NUP188: variants seen among roughly 807,000 people sequenced by gnomAD.
NUP188 encodes the protein nucleoporin NUP188.
NUP188 carries 97 observed loss-of-function variants against 223.0 expected under a neutral mutation model. The ratio of observed to expected loss-of-function variants is 0.43; its 90% CI spans 0.37 to 0.51. NUP188 has a LOEUF of 0.51. Ranked by LOEUF, NUP188 falls within the 20% of genes least tolerant of loss-of-function variation. The probability of loss-of-function intolerance (pLI) is 0.00; values close to 1 mark genes in which losing one functional copy is unlikely to be tolerated. For synonymous variants in NUP188, 869 were observed against 828.0 expected, an observed-to-expected ratio of 1.05 and a Z score of -0.85; for missense variants, 1,947 against 2,175.6, an observed-to-expected ratio of 0.89 and a Z score of 2.09.
At chr9:128,954,874 A>T (rs1247898015) in intron 3 of NUP188, among the ~76,000 whole-genome samples, 33 of 146,678 alleles carry the variant, frequency 2.2e-4, no homozygotes, top group Non-Finnish European at 3.0e-4. Flanking sequence ...TTTTTTTGAG[A>T]TGGAGTTTCG....
rs1564567929 is a variant in NUP188, at chr9:129,001,868, C to G, written c.4045-16C>G. The G allele has an allele frequency of 6.2e-7, 1 of 1,612,682 alleles. No individual in the cohort carries two copies. The highest frequency in any genetic ancestry group is 2.2e-5 in the East Asian group (1 of 44,872). On this transcript the variant is annotated splice_polypyrimidine_tract_variant and intron_variant, in intron 35 of 43. Transcript: ENST00000372577. Reference sequence around the variant, plus strand: ...GGGCAGGCTCCATCTCATTTCCTGTCTTTCCCTCCTCCCAGGGAGCCACAG... The same window carrying G: ...GGGCAGGCTCCATCTCATTTCCTGTGTTTCCCTCCTCCCAGGGAGCCACAG...
chr9:128,952,959 A>G lies in NUP188; in HGVS notation c.161+113A>G, dbSNP rs569548098. 12 of 842,204 alleles carry G rather than the reference A, an allele frequency of 1.4e-5. No individual in the cohort carries two copies. The African/African-American group carries it at 2.0e-4, about 14-fold the overall frequency. The allele number at this position is 842,204 out of a possible 1,614,324, so 52.2% of individuals were successfully genotyped here. A position where few individuals can be genotyped will look rare whatever the true frequency, so the allele number is the denominator to read the frequency against. ...TTGTAGGGTTATGTATACCAGAGATAATACAATTTAGTTTACCAGTGGAAA... is the reference window on the plus strand; with the variant it reads ...TTGTAGGGTTATGTATACCAGAGATGATACAATTTAGTTTACCAGTGGAAA... On this transcript the variant is annotated intron_variant, in intron 3 of 43. Coordinates refer to ENST00000372577, the MANE Select transcript of NUP188 (RefSeq NM_015354.3).
rs774220979 is a variant in NUP188 at position 129,006,574 on chromosome 9, C to A, written c.5146C>A (p.Pro1716Thr). ...CAGCTCCCCTGCCACTGGTGTCCTCCCCTCGCCGCAGGGCAAGTCCACCTC... is the reference window on the plus strand; with the variant it reads ...CAGCTCCCCTGCCACTGGTGTCCTCACCTCGCCGCAGGGCAAGTCCACCTC... The part of the protein sequence containing the change: ...APSSPATGVL[P>T]SPQGKSTSLS... Residue 1716 changes from proline (P) to threonine (T), a missense_variant, in exon 44 of 44, where the codon CCC becomes ACC. Coordinates refer to ENST00000372577, the MANE Select transcript of NUP188 (RefSeq NM_015354.3). 1.9e-6 allele frequency: 3 copies of A among 1,614,102 alleles called. No homozygotes were observed. The highest frequency in any genetic ancestry group is 2.5e-6 in the Non-Finnish European group (3 of 1,180,034).
At chr9:128,951,294 G>A (rs934848251) in intron 2 of NUP188, among the ~76,000 whole-genome samples, 12 of 140,018 alleles carry the variant, frequency 8.6e-5, no homozygotes, top group Admixed American at 2.2e-4. Context: ...GTGACAAAGC[G>A]AGACTCCATC....
Position 128,986,837 on chromosome 9 carries a change from G to T in NUP188, c.2226G>T (p.Ala742=). The change falls in exon 22 of 44, where the codon GCG becomes GCT. Residue 742 remains alanine (A), a synonymous_variant. Coordinates refer to ENST00000372577, the MANE Select transcript of NUP188 (RefSeq NM_015354.3). The stretch of plus-strand genomic sequence containing the variant: ...GCCTGATCTTGGAGCTGATTCATGC[G>T]ATACTGAACCTGTGCCACGAGACAG... ...IGCLILELIH[A]ILNLCHETDL... is the part of the protein sequence containing the mutation. 1 of 1,614,110 alleles carries T rather than the reference G, an allele frequency of 6.2e-7. No individual in the cohort carries two copies. The highest frequency in any genetic ancestry group is 8.5e-7 in the Non-Finnish European group (1 of 1,180,020).
At chr9:128,994,658 C>T (rs1842488016) in intron 28 of NUP188, among the ~76,000 whole-genome samples, 198 bp from the exon 29 acceptor site, 1 of 152,206 alleles carries the variant, frequency 6.6e-6, no homozygotes, top group Admixed American at 6.5e-5. Context: ...GTGTTGGTGG[C>T]TCTGTGGTCT....
intron 8 of NUP188, among the ~76,000 whole-genome samples, chr9:128,963,816 T>C (rs1226548980): frequency 7.5e-6 from 1 of 133,464 alleles, no homozygotes; most frequent in African/African-American, 3.4e-5. Context: ...TATTGTGGGT[T>C]TTTTTTTTTT....
At chr9:128,952,997 A>AT (rs2131137383) in intron 3 of NUP188, 151 bp downstream of exon 3, 1 of 613,922 alleles carries the variant, frequency 1.6e-6, no homozygotes, top group African/African-American at 1.9e-5. Flanking sequence ...AGTAGGGTAC[A>AT]TTTGTTTTTT....
At chr9:128,971,226 A>C (rs1357147241) in intron 11 of NUP188, among the ~76,000 whole-genome samples, 1 of 152,204 alleles carries the variant, frequency 6.6e-6, no homozygotes, top group Non-Finnish European at 1.5e-5. Context: ...CAAAGCAACA[A>C]AAATGCCAGT....
rs1167421196 is a variant in NUP188 at position 128,987,700 on chromosome 9, G to A, written c.2376G>A (p.Met792Ile). The A allele has an allele frequency of 3.7e-6, 6 of 1,613,818 alleles. No individual in the cohort carries two copies. The highest frequency in any genetic ancestry group is 5.1e-6 in the Non-Finnish European group (6 of 1,179,950). Reference sequence around the variant, plus strand: ...GCGTGGACACCATTGACATGGTGATGGCTGCTCAGCCTCGAAGGTAGGGCT... The same window carrying A: ...GCGTGGACACCATTGACATGGTGATAGCTGCTCAGCCTCGAAGGTAGGGCT... ...GIGVDTIDMVMAAQPRSDGAE... is the reference protein window; with the variant it reads ...GIGVDTIDMVIAAQPRSDGAE... Residue 792 changes from methionine (M) to isoleucine (I), a missense_variant, in exon 23 of 44, where the codon ATG becomes ATA. Coordinates refer to ENST00000372577, the MANE Select transcript of NUP188 (RefSeq NM_015354.3).
rs553036325 is a variant in NUP188 at position 128,982,418 on chromosome 9, ACT to A, written c.1517-128_1517-127del. The A allele has an allele frequency of 2.7e-3, 2,162 of 794,292 alleles. 6 individuals carry two copies. The highest frequency in any genetic ancestry group is 3.8e-3 in the Non-Finnish European group (1,931 of 505,972). The allele number at this position is 794,292 out of a possible 1,614,324, so 49.2% of individuals were successfully genotyped here. On this transcript the variant is annotated intron_variant, in intron 15 of 43. Coordinates refer to ENST00000372577, the MANE Select transcript of NUP188 (RefSeq NM_015354.3). ...GCACTCCAGCCTGGGCAAGAGGGAG[ACT>A]CTGTCTCAAAAAAAAAAAATGTCTG...
At position 129,005,681 on chromosome 9, in the gene NUP188, C is replaced by T. The variant is rs1281053079; in HGVS notation, c.4774C>T (p.Leu1592=). The change falls in exon 41 of 44, where the codon CTG becomes TTG. Residue 1592 remains leucine, a synonymous_variant. Transcript: ENST00000372577. Reference sequence around the variant, plus strand: ...TGCTGAATACAACTTCCTGTTTGCCCTGAGCTTTACCACTCCCACCTTTGA... The same window carrying T: ...TGCTGAATACAACTTCCTGTTTGCCTTGAGCTTTACCACTCCCACCTTTGA... ...DLAEYNFLFA[L]SFTTPTFDSE... is the part of the protein sequence containing the mutation. The T allele has an allele frequency of 6.2e-7, 1 of 1,614,100 alleles. No homozygotes were observed. The highest frequency in any genetic ancestry group is 8.5e-7 in the Non-Finnish European group (1 of 1,179,992).
intron 3 of NUP188, among the ~76,000 whole-genome samples, chr9:128,954,840 G>A (rs1409543418): frequency 2.0e-5 from 3 of 151,222 alleles, no homozygotes; most frequent in African/African-American, 7.3e-5. Flanking sequence ...AAAATACACA[G>A]AGGTGAGGTG....
At chr9:128,981,465 T>C in intron 15 of NUP188, 75 bp downstream of exon 15, 1 of 1,455,788 alleles carries the variant, frequency 6.9e-7, no homozygotes, top group Non-Finnish European at 9.3e-7. Context: ...CAAGCTGGAG[T>C]GCAGTGGCAA....
At position 128,986,541 on chromosome 9, in the gene NUP188, T is replaced by C. The variant is rs1473350255; in HGVS notation, c.2077-17T>C. Reference sequence around the variant, plus strand: ...TCCTTAAATGTGCGGAAGTCCTCACTGCATGGTTTCTTGTAGGGGCAACTT... The same window carrying C: ...TCCTTAAATGTGCGGAAGTCCTCACCGCATGGTTTCTTGTAGGGGCAACTT... On this transcript the variant is annotated splice_polypyrimidine_tract_variant and intron_variant, in intron 20 of 43. Coordinates refer to ENST00000372577, the MANE Select transcript of NUP188 (RefSeq NM_015354.3). The C allele has an allele frequency of 1.2e-6, 2 of 1,611,290 alleles. No homozygotes were observed. Among genetic ancestry groups the C allele is most frequent in the Non-Finnish European group, 1.7e-6 (2 of 1,178,706 alleles).
chr9:128,972,007 A>C (rs1366398201), intron 11 of NUP188, among the ~76,000 whole-genome samples: 1 of 150,192 alleles, frequency 6.7e-6, no homozygotes, highest in Non-Finnish European at 1.5e-5. Flanking sequence ...ACTGATCTCA[A>C]GTGATCTGCC....
chr9:128,998,672 A>G (rs1842575569), intron 32 of NUP188, 49 bp downstream of exon 32: 2 of 1,452,558 alleles, frequency 1.4e-6, no homozygotes, highest in Non-Finnish European at 9.7e-7. Flanking sequence ...CCTTCTTGTC[A>G]GTGCCTGCTT....
intron 3 of NUP188, among the ~76,000 whole-genome samples, chr9:128,955,782 G>C (rs983331428): frequency 2.0e-5 from 3 of 151,372 alleles, no homozygotes; most frequent in African/African-American, 4.9e-5. Context: ...ATTCTCCAAG[G>C]AATCCTGTTA....
chr9:128,967,919 C>T (rs1157059945), intron 8 of NUP188, among the ~76,000 whole-genome samples: 2 of 151,842 alleles, frequency 1.3e-5, no homozygotes, highest in Non-Finnish European at 2.9e-5. Flanking sequence ...TGTGGGTGTA[C>T]TCTGGGTGTA....
Sources: allele counts gnomAD v4.1 joint callset (sites outside exome capture counted in the v4.1 genomes callset), GRCh38; gene constraint gnomAD v4.1.1; transcripts MANE v1.5; gene names NCBI Gene and HGNC (gene_info 2026-07-23, HGNC 2026-07-21).